The following CLVS1 variants were observed in gnomAD, a reference collection of about 807,000 sequenced individuals.
The protein encoded by CLVS1 is clavesin-1.
CLVS1 carries 10 observed loss-of-function variants against 33.1 expected under a neutral mutation model. The ratio of observed to expected loss-of-function variants is 0.30; its 90% CI spans 0.19 to 0.51. CLVS1 has a LOEUF of 0.51. Among genes scored for constraint, CLVS1 ranks in the 20% least tolerant of loss-of-function variants. The probability of loss-of-function intolerance (pLI) is 0.97; values close to 1 mark genes in which losing one functional copy is unlikely to be tolerated. For synonymous variants in CLVS1, 163 were observed against 166.1 expected, an observed-to-expected ratio of 0.98 and a Z score of 0.14; for missense variants, 343 against 433.4, an observed-to-expected ratio of 0.79 and a Z score of 1.85.
intron 2 of CLVS1, 24 bp from the exon 3 acceptor site, chr8:61,376,581 C>G: frequency 1.2e-6 from 2 of 1,607,056 alleles, no homozygotes; most frequent in Non-Finnish European, 1.7e-6. Context: ...TCACACACAG[C>G]TCTCCTTTCT....
intron 2 of CLVS1, among the ~76,000 whole-genome samples, chr8:61,215,682 ATGTGTGTGTGTGTGTGTG>A (rs72193127): frequency 0.025 from 3,619 of 143,746 alleles, 65 homozygotes; most frequent in Non-Finnish European, 0.04. Context: ...GAAATTGAAA[ATGTGTGTGTGTGTGTGTG>A]TGTGTGTGTG....
chr8:61,273,976 A>T (rs1585740614), intron 2 of CLVS1: 1 of 158,974 alleles, frequency 6.3e-6, no homozygotes, highest in East Asian at 1.9e-4. Context: ...TGGGAGCTGT[A>T]GACCGGAGCT....
the CLVS1 span, among the ~76,000 whole-genome samples, chr8:61,027,875 T>C: frequency 1.3e-5 from 2 of 152,248 alleles, no homozygotes; most frequent in Non-Finnish European, 2.9e-5. Context: ...CTCAAGGTAA[T>C]CTCATTCTAA....
chr8:61,180,986 C>T (rs759309613), intron 2 of CLVS1, among the ~76,000 whole-genome samples: 19 of 152,068 alleles, frequency 1.2e-4, no homozygotes, highest in Non-Finnish European at 2.6e-4. Context: ...AAGTTCTGGC[C>T]AGGGCAATAA....
chr8:61,264,753 A>G (rs1809272367), intron 2 of CLVS1: 2 of 152,228 alleles, frequency 1.3e-5, no homozygotes, highest in South Asian at 2.1e-4. Context: ...ATATGGTCAG[A>G]GTTCAGTTTC....
rs533391034 is a variant in CLVS1 at position 61,324,107 on chromosome 8, T to G, written c.455+23825T>G. 2.6e-5 allele frequency among the ~76,000 whole-genome samples: 4 copies of G among 152,282 alleles called. No individual in the cohort carries two copies. In the South Asian group the frequency reaches 8.3e-4, roughly 32 times the overall value. On this transcript the variant is annotated intron_variant, in intron 2 of 5. Coordinates refer to ENST00000325897, the MANE Select transcript of CLVS1 (RefSeq NM_173519.3). ...TGAATAGTGCTGCAATGAACATACATGTGCATGTTTCTTTATAATATAATG... is the reference window on the plus strand; with the variant it reads ...TGAATAGTGCTGCAATGAACATACAGGTGCATGTTTCTTTATAATATAATG...
intron 1 of CLVS1, among the ~76,000 whole-genome samples, chr8:61,124,621 T>TA (rs1292060655): frequency 3.3e-5 from 5 of 152,212 alleles, no homozygotes; most frequent in African/African-American, 9.7e-5. Flanking sequence ...CTTTGGTACT[T>TA]ACTGGCTTGT....
rs183355057 is a variant in CLVS1 at position 61,411,967 on chromosome 8, C to T, written c.630+35188C>T. On this transcript the variant is annotated intron_variant, in intron 3 of 5. Coordinates refer to ENST00000325897, the MANE Select transcript of CLVS1 (RefSeq NM_173519.3). The stretch of plus-strand genomic sequence containing the variant: ...GAGGGTGGAGGTGGGCCAAGTACTC[C>T]GTGCTGGAAACCGGGAAAAAGGCCC... Among the ~76,000 whole-genome samples the T allele has an allele frequency of 2.6e-3, 396 of 152,280 alleles. 3 individuals are homozygous for T. The highest frequency in any genetic ancestry group is 4.0e-3 in the Non-Finnish European group (270 of 68,018).
chr8:61,094,401 A>G (rs1805311149), intron 1 of CLVS1, among the ~76,000 whole-genome samples: 1 of 152,206 alleles, frequency 6.6e-6, no homozygotes, highest in South Asian at 2.1e-4. Context: ...CCTGAGCTCT[A>G]TACAGTTCTG....
chr8:61,267,625 CA>C (rs1366348068), intron 2 of CLVS1, among the ~76,000 whole-genome samples: 1 of 152,164 alleles, frequency 6.6e-6, no homozygotes, highest in East Asian at 1.9e-4. Context: ...ATTTAAAAAG[CA>C]AACAACTTTC....
intron 2 of CLVS1, among the ~76,000 whole-genome samples, chr8:61,242,857 C>T (rs1210064286): frequency 6.6e-6 from 1 of 152,100 alleles, no homozygotes; most frequent in Non-Finnish European, 1.5e-5. Flanking sequence ...GCTGACCTTT[C>T]CTTTCTTTCA....
chr8:61,469,582 A>G (rs1261302253), intron 5 of CLVS1, among the ~76,000 whole-genome samples: 1 of 152,190 alleles, frequency 6.6e-6, no homozygotes, highest in East Asian at 1.9e-4. Flanking sequence ...GACCTTGGTG[A>G]TCTTTGAGCA....
chr8:61,402,571 T>C (rs1374328878), intron 3 of CLVS1, among the ~76,000 whole-genome samples: 3 of 152,154 alleles, frequency 2.0e-5, no homozygotes, highest in Non-Finnish European at 2.9e-5. Context: ...TAAAAACAGA[T>C]AATTAAATAC....
intron 5 of CLVS1, among the ~76,000 whole-genome samples, chr8:61,474,554 A>G (rs570916720): frequency 6.6e-6 from 1 of 152,334 alleles, no homozygotes; most frequent in South Asian, 2.1e-4. Flanking sequence ...TGGGAACACT[A>G]GGATATCTCA....
chr8:61,315,490 G>A (rs146657693), intron 2 of CLVS1, among the ~76,000 whole-genome samples: 71 of 152,168 alleles, frequency 4.7e-4, no homozygotes, highest in African/African-American at 1.5e-3. Context: ...GGTGGTCATC[G>A]TGATATACAT....
At chr8:61,272,581 C>T (rs1312381864) in intron 2 of CLVS1, among the ~76,000 whole-genome samples, 1 of 152,208 alleles carries the variant, frequency 6.6e-6, no homozygotes, top group Non-Finnish European at 1.5e-5. Flanking sequence ...TAATATCCTG[C>T]AGAGTGCTTT....
chr8:61,392,172 A>C (rs1010354228), intron 3 of CLVS1, among the ~76,000 whole-genome samples: 2 of 152,086 alleles, frequency 1.3e-5, no homozygotes, highest in Non-Finnish European at 1.5e-5. Context: ...TTACACAAAA[A>C]ATTTTAAAAA....
intron 1 of CLVS1, among the ~76,000 whole-genome samples, chr8:61,098,104 G>A (rs1052134334): frequency 2.0e-5 from 3 of 152,148 alleles, no homozygotes; most frequent in Non-Finnish European, 4.4e-5. Flanking sequence ...AGGCTGCAGT[G>A]AGCTGTGATC....
intron 2 of CLVS1, among the ~76,000 whole-genome samples, chr8:61,222,640 A>T (rs1808240468): frequency 6.6e-6 from 1 of 152,182 alleles, no homozygotes; most frequent in Admixed American, 6.5e-5. Flanking sequence ...CATGGAGAAG[A>T]ATGTATATTC....
Sources: allele counts gnomAD v4.1 joint callset (sites outside exome capture counted in the v4.1 genomes callset), GRCh38; gene constraint gnomAD v4.1.1; transcripts MANE v1.5; gene names NCBI Gene and HGNC (gene_info 2026-07-23, HGNC 2026-07-21).